Variants in CLEC16A observed in about 807,000 individuals in gnomAD.
The protein encoded by CLEC16A is C-type lectin domain containing 16A.
CLEC16A carries 51 observed loss-of-function variants against 109.5 expected under a neutral mutation model. The ratio of observed to expected loss-of-function variants is 0.47; its 90% CI spans 0.37 to 0.59. The LOEUF (loss-of-function observed/expected upper bound fraction) is 0.59, where lower values mean the gene tolerates loss of function less well. Among genes scored for constraint, CLEC16A ranks in the 20% least tolerant of loss-of-function variants. The pLI is 0.00. For synonymous variants in CLEC16A, 673 were observed against 564.2 expected, an observed-to-expected ratio of 1.19 and a Z score of -2.73; for missense variants, 1,339 against 1,394.0, an observed-to-expected ratio of 0.96 and a Z score of 0.63.
chr16:11,147,706 G>A (rs939601925), intron 22 of CLEC16A, among the ~76,000 whole-genome samples: 1 of 152,182 alleles, frequency 6.6e-6, no homozygotes, highest in African/African-American at 2.4e-5. Flanking sequence ...TGAAACTGTT[G>A]TATTAAAAAA....
Position 11,078,322 on chromosome 16 carries a change from A to G in CLEC16A, c.2116+17300A>G, listed in dbSNP as rs2049507076. 1.3e-5 allele frequency among the ~76,000 whole-genome samples: 2 copies of G among 152,136 alleles called. 1 individual carries two copies. Among genetic ancestry groups the G allele is most frequent in the South Asian group, 4.1e-4 (2 of 4,828 alleles). Reference sequence around the variant, plus strand: ...ACATCTATATTTTCAAATGCTCCCTAAAGGATTCCATTGCATAGCCAGTGT... The same window carrying G: ...ACATCTATATTTTCAAATGCTCCCTGAAGGATTCCATTGCATAGCCAGTGT... On this transcript the variant is annotated intron_variant, in intron 19 of 23. Coordinates refer to ENST00000409790, the MANE Select transcript of CLEC16A (RefSeq NM_015226.3).
rs1596939253 is a variant in CLEC16A, at chr16:10,992,603, C to T, written c.1071+9612C>T. On this transcript the variant is annotated intron_variant, in intron 10 of 23. Coordinates refer to ENST00000409790, the MANE Select transcript of CLEC16A (RefSeq NM_015226.3). ...ACTCAAATAATATTGTGCTGGGTGA[C>T]ACTTGAGTTCTGGGTGGGTCATTTT... Among the ~76,000 whole-genome samples the T allele has an allele frequency of 3.0e-5, 4 of 135,358 alleles. No homozygotes were observed. The South Asian group carries it at 7.1e-4, about 24-fold the overall frequency. The allele number at this position is 135,358 out of a possible 152,430, so 88.8% of individuals were successfully genotyped here.
intron 13 of CLEC16A, among the ~76,000 whole-genome samples, chr16:11,032,281 G>A (rs1322259496): frequency 6.6e-6 from 1 of 152,220 alleles, no homozygotes; most frequent in Non-Finnish European, 1.5e-5. Flanking sequence ...CAGTCTGCAG[G>A]GGGTGGCACA....
intron 1 of CLEC16A, among the ~76,000 whole-genome samples, chr16:10,951,493 G>A (rs1271825962): frequency 8.8e-6 from 1 of 113,704 alleles, no homozygotes; most frequent in Non-Finnish European, 1.9e-5. Flanking sequence ...AGTCCTAGAA[G>A]GGTTGTAATC....
chr16:11,092,361 AACACACACACAC>A lies in CLEC16A; in HGVS notation c.2117-28224_2117-28213del, dbSNP rs3030566. ...CTGTCTCAAAAAACAAACAAAAACA[AACACACACACAC>A]ACACACACACACACACACACACACA... On this transcript the variant is annotated intron_variant, in intron 19 of 23. Coordinates refer to ENST00000409790, the MANE Select transcript of CLEC16A (RefSeq NM_015226.3). Among the ~76,000 whole-genome samples, 206 of 132,540 alleles carry A rather than the reference AACACACACACAC, an allele frequency of 1.6e-3. 2 individuals are homozygous for A. The highest frequency in any genetic ancestry group is 4.4e-3 in the African/African-American group (159 of 36,122). The allele number at this position is 132,540 out of a possible 152,430, so 87.0% of individuals were successfully genotyped here. A position where few individuals can be genotyped will look rare whatever the true frequency, so the allele number is the denominator to read the frequency against.
At chr16:11,036,624 A>C (rs1597145997) in intron 13 of CLEC16A, among the ~76,000 whole-genome samples, 1 of 140,254 alleles carries the variant, frequency 7.1e-6, no homozygotes, top group Admixed American at 8.1e-5. Flanking sequence ...GTCTCAGCCC[A>C]CTGCAACCTC....
At chr16:11,047,413 C>A in intron 17 of CLEC16A, 71 bp downstream of exon 17, 2 of 1,239,580 alleles carry the variant, frequency 1.6e-6, no homozygotes, top group Non-Finnish European at 2.2e-6. Context: ...CCTGCCCATC[C>A]CAGAGGGAGT....
At chr16:11,054,367 C>T (rs979902011) in intron 18 of CLEC16A, among the ~76,000 whole-genome samples, 4 of 152,228 alleles carry the variant, frequency 2.6e-5, no homozygotes, top group Admixed American at 6.5e-5. Context: ...CGTGAGGACT[C>T]GGCAGCAAGC....
intron 22 of CLEC16A, among the ~76,000 whole-genome samples, chr16:11,141,633 C>T (rs973748046): frequency 1.3e-5 from 2 of 152,236 alleles, no homozygotes; most frequent in Admixed American, 6.5e-5. Context: ...TTGCACGTAC[C>T]GTGTGGGAAG....
At position 11,060,928 on chromosome 16, in the gene CLEC16A, T is replaced by A. The variant is rs774623313; in HGVS notation, c.2022T>A (p.Arg674=). 1.2e-6 allele frequency: 2 copies of A among 1,612,526 alleles called. No individual in the cohort carries two copies. The highest frequency in any genetic ancestry group is 4.5e-5 in the East Asian group (2 of 44,810). Residue 674 remains arginine (R), a synonymous_variant, in exon 19 of 24, where the codon CGT becomes CGA. Transcript: ENST00000409790. Reference sequence around the variant, plus strand: ...CCATCCGGGTGTTCTTCATGCTGCGTTCCCTGTCACTGCAATTGCGAGGGG... The same window carrying A: ...CCATCCGGGTGTTCTTCATGCTGCGATCCCTGTCACTGCAATTGCGAGGGG... ...RRAIRVFFML[R]SLSLQLRGEP...
At chr16:11,009,744 G>T (rs1284686873) in intron 11 of CLEC16A, among the ~76,000 whole-genome samples, 2 of 152,348 alleles carry the variant, frequency 1.3e-5, no homozygotes, top group Middle Eastern at 3.4e-3. Flanking sequence ...CTGGGGCAGA[G>T]ACTAATGCCT....
chr16:11,003,205 T>G lies in CLEC16A; in HGVS notation c.1203T>G (p.Asp401Glu), dbSNP rs977864050. ...ACAAAAACGTTGGGGAAGAAGAAGA[T>G]GAGGAGAAAGGGCCCACCGAGGATG... The part of the protein sequence containing the change: ...PNYKNVGEEE[D>E]EEKGPTEDAQ... The change falls in exon 11 of 24, where the codon GAT becomes GAG. Residue 401 changes from aspartate to glutamate, a missense_variant. Coordinates refer to ENST00000409790, the MANE Select transcript of CLEC16A (RefSeq NM_015226.3). 1.9e-6 allele frequency: 3 copies of G among 1,611,770 alleles called. No individual in the cohort carries two copies. The Admixed American group carries it at 5.0e-5, about 27-fold the overall frequency.
At chr16:10,968,646 C>G (rs2042629928) in intron 3 of CLEC16A, among the ~76,000 whole-genome samples, 1 of 152,250 alleles carries the variant, frequency 6.6e-6, no homozygotes, top group South Asian at 2.1e-4. Flanking sequence ...GGTTAATGGT[C>G]ATGTAAAGCA....
At chr16:11,068,898 T>C (rs1283747499) in intron 19 of CLEC16A, among the ~76,000 whole-genome samples, 2 of 151,992 alleles carry the variant, frequency 1.3e-5, no homozygotes, top group African/African-American at 4.8e-5. Flanking sequence ...CGCTGCAAGC[T>C]CCACCTCCCA....
Position 11,014,333 on chromosome 16 carries a change from C to A in CLEC16A, c.1304-5860C>A, listed in dbSNP as rs141215836. The stretch of plus-strand genomic sequence containing the variant: ...TGTGTGTATGTACCATAGTTGATTC[C>A]ATCGGTCTGTTATGCCTGGGCATTT... On this transcript the variant is annotated intron_variant, in intron 11 of 23. Coordinates refer to ENST00000409790, the MANE Select transcript of CLEC16A (RefSeq NM_015226.3). 2.4e-3 allele frequency among the ~76,000 whole-genome samples: 370 copies of A among 152,218 alleles called. 1 individual carries two copies. Among genetic ancestry groups the A allele is most frequent in the Middle Eastern group, 0.014 (4 of 294 alleles).
rs148651872 is a variant in CLEC16A, at chr16:10,986,972, G to A, written c.1071+3981G>A. Among the ~76,000 whole-genome samples, 603 of 151,952 alleles carry A rather than the reference G, an allele frequency of 4.0e-3. 8 individuals are homozygous for A. The highest frequency in any genetic ancestry group is 0.014 in the African/African-American group (584 of 41,416). ...GGGTTCAAGTGATTCTCGTGCCTCA[G>A]CCTCCGAATAGCTGGGACTACAGGC... On this transcript the variant is annotated intron_variant, in intron 10 of 23. Transcript: ENST00000409790.
chr16:11,050,013 G>A (rs1398299421), intron 17 of CLEC16A, among the ~76,000 whole-genome samples: 1 of 152,230 alleles, frequency 6.6e-6, no homozygotes, highest in African/African-American at 2.4e-5. Flanking sequence ...GTTTTCTGCA[G>A]CTATAACAGA....
chr16:11,151,832 C>T (rs1348491397), intron 22 of CLEC16A, among the ~76,000 whole-genome samples: 1 of 152,100 alleles, frequency 6.6e-6, no homozygotes, highest in South Asian at 2.1e-4. Flanking sequence ...GGGCGGGGGC[C>T]GGCTGGGGAA....
chr16:11,054,935 T>TC (rs1314024781), intron 18 of CLEC16A, among the ~76,000 whole-genome samples: 2 of 148,474 alleles, frequency 1.3e-5, no homozygotes, highest in East Asian at 2.0e-4. Context: ...TTTCTTTCTT[T>TC]TTTTTTTTTT....
Sources: allele counts gnomAD v4.1 joint callset (sites outside exome capture counted in the v4.1 genomes callset), GRCh38; gene constraint gnomAD v4.1.1; transcripts MANE v1.5; gene names NCBI Gene and HGNC (gene_info 2026-07-23, HGNC 2026-07-21).